The following CCND1 variants were observed in gnomAD, a reference collection of about 807,000 sequenced individuals.
CCND1 encodes G1/S-specific cyclin-D1.
Under a neutral mutation model 26.1 loss-of-function variants are expected in CCND1, and 9 were observed. The observed-to-expected ratio is 0.35, with a 90% confidence interval of 0.21 to 0.60. The LOEUF (loss-of-function observed/expected upper bound fraction) is 0.60, where lower values mean the gene tolerates loss of function less well. CCND1 is among the 20% of genes least tolerant of loss of function. The pLI is 0.79. For missense variants in CCND1, 335 were observed against 392.9 expected, an observed-to-expected ratio of 0.85 and a Z score of 1.25; for synonymous variants, 194 against 166.1, an observed-to-expected ratio of 1.17 and a Z score of -1.29.
At chr11:69,649,479 T>C (rs974520239) in intron 4 of CCND1, among the ~76,000 whole-genome samples, 9 of 152,200 alleles carry the variant, frequency 5.9e-5, no homozygotes, top group African/African-American at 1.9e-4. Context: ...GTGACCAACG[T>C]AGCTGAGCCC....
rs758315102 is a variant in CCND1, at chr11:69,653,105, G to C, written c.*1823G>C. 384 of 533,022 alleles carry C rather than the reference G, an allele frequency of 7.2e-4. 1 individual carries two copies. Among genetic ancestry groups the C allele is most frequent in the Non-Finnish European group, 1.1e-3 (340 of 302,656 alleles). The allele number at this position is 533,022 out of a possible 1,614,324, so 33.0% of individuals were successfully genotyped here. Reference sequence around the variant, plus strand: ...AATTCTTGTAATTTTTATTTAGGAAGTGTTGAAGGGAGGTGGCAAGAGTGT... The same window carrying C: ...AATTCTTGTAATTTTTATTTAGGAACTGTTGAAGGGAGGTGGCAAGAGTGT... On this transcript the variant is annotated 3_prime_UTR_variant, in exon 5 of 5. Transcript: ENST00000227507.
intron 3 of CCND1, among the ~76,000 whole-genome samples, chr11:69,647,706 C>T (rs1172199322): frequency 6.6e-6 from 1 of 152,190 alleles, no homozygotes; most frequent in Non-Finnish European, 1.5e-5. Flanking sequence ...GCAGTGATGT[C>T]CCCATCACCT....
Position 69,643,978 on chromosome 11 carries a change from C to T in CCND1, c.561C>T (p.Ala187=), listed in dbSNP as rs1855746955. ...GCAAACACGCGCAGACCTTCGTTGCCCTCTGTGCCACAGGTAGGGCAGGCC... is the reference window on the plus strand; with the variant it reads ...GCAAACACGCGCAGACCTTCGTTGCTCTCTGTGCCACAGGTAGGGCAGGCC... ...IIRKHAQTFV[A]LCATDVKFIS... Residue 187 remains alanine (A), a synonymous_variant, in exon 3 of 5, where the codon GCC becomes GCT. Coordinates refer to ENST00000227507, the MANE Select transcript of CCND1 (RefSeq NM_053056.3). The T allele has an allele frequency of 6.2e-7, 1 of 1,613,368 alleles. No homozygotes were observed. The highest frequency in any genetic ancestry group is 1.7e-5 in the Admixed American group (1 of 60,028).
At chr11:69,644,145 G>T in intron 3 of CCND1, 154 bp downstream of exon 3, 1 of 740,406 alleles carries the variant, frequency 1.4e-6, no homozygotes. Flanking sequence ...CTGGTGAGCA[G>T]AGGCCCTGGA....
At chr11:69,644,584 G>A (rs562885156) in intron 3 of CCND1, among the ~76,000 whole-genome samples, 28 of 152,330 alleles carry the variant, frequency 1.8e-4, no homozygotes, top group African/African-American at 6.7e-4. Context: ...CTGAGGGGGC[G>A]CTTCAGAGCA....
chr11:69,644,683 C>T (rs1350853127), intron 3 of CCND1, among the ~76,000 whole-genome samples: 3 of 152,214 alleles, frequency 2.0e-5, no homozygotes, highest in African/African-American at 4.8e-5. Context: ...CCTGACATGG[C>T]CTTGGCCCCA....
At chr11:69,648,361 C>T (rs1855812412) in intron 4 of CCND1, 1 of 569,202 alleles carries the variant, frequency 1.8e-6, no homozygotes. Context: ...ACAGCCTTCT[C>T]ACGTCCCCTG....
At position 69,642,958 on chromosome 11, in the gene CCND1, A is replaced by G. The variant is rs1018612893; in HGVS notation, c.199-73A>G. On this transcript the variant is annotated intron_variant, in intron 1 of 4. Coordinates refer to ENST00000227507, the MANE Select transcript of CCND1 (RefSeq NM_053056.3). ...AGACCTGGCGGCCCTGCCAAGCGCGATGGGGGGTGCGGGGGCGTGCGGGGG... is the reference window on the plus strand; with the variant it reads ...AGACCTGGCGGCCCTGCCAAGCGCGGTGGGGGGTGCGGGGGCGTGCGGGGG... 11 of 1,147,918 alleles carry G rather than the reference A, an allele frequency of 9.6e-6. No individual in the cohort carries two copies. The Admixed American group carries it at 1.5e-4, about 16-fold the overall frequency. 71.1% of individuals were successfully genotyped at this position (1,147,918 alleles called of 1,614,324 possible).
At position 69,651,401 on chromosome 11, in the gene CCND1, C is replaced by A; in HGVS notation, c.*119C>A. ...TGATACCAGAAGGGAAAGCTTCATT[C>A]TCCTTGTTGTTGGTTGTTTTTTCCT... On this transcript the variant is annotated 3_prime_UTR_variant, in exon 5 of 5. Transcript: ENST00000227507. 1 of 876,354 alleles carries A rather than the reference C, an allele frequency of 1.1e-6. No individual in the cohort carries two copies. The highest frequency in any genetic ancestry group is 1.6e-6 in the Non-Finnish European group (1 of 627,970). The allele number at this position is 876,354 out of a possible 1,614,324, so 54.3% of individuals were successfully genotyped here.
chr11:69,642,046 G>A (rs1855710716), intron 1 of CCND1, among the ~76,000 whole-genome samples: 1 of 152,116 alleles, frequency 6.6e-6, no homozygotes, highest in Admixed American at 6.5e-5. Flanking sequence ...CGGCCGCCGG[G>A]CGCTGGGGCC....
At position 69,654,116 on chromosome 11, in the gene CCND1, G is replaced by GGCCCCC; in HGVS notation, c.*2834_*2835insGCCCCC. The GGCCCCC allele has an allele frequency of 4.6e-6, 3 of 651,628 alleles. No individual in the cohort carries two copies. The highest frequency in any genetic ancestry group is 2.1e-5 in the Admixed American group (1 of 47,730). 40.4% of individuals were successfully genotyped at this position (651,628 alleles called of 1,614,324 possible). ...TGCTCGGAGGCCATCTCGGGCACAG[G>GGCCCCC]CCCACCCCGCCCCACCCCTCCAGAA... On this transcript the variant is annotated 3_prime_UTR_variant, in exon 5 of 5. Transcript: ENST00000227507. This position sits in a 1 kb window ranked among gnomAD's most constrained non-coding sequence, Gnocchi z 6.3.
At position 69,651,658 on chromosome 11, in the gene CCND1, G is replaced by A. The variant is rs1022946937; in HGVS notation, c.*376G>A. 5.2e-5 allele frequency: 13 copies of A among 247,664 alleles called. No individual in the cohort carries two copies. Among genetic ancestry groups the A allele is most frequent in the African/African-American group, 6.6e-5 (3 of 45,798 alleles). The allele number at this position is 247,664 out of a possible 1,614,324, so 15.3% of individuals were successfully genotyped here. On this transcript the variant is annotated 3_prime_UTR_variant, in exon 5 of 5. Coordinates refer to ENST00000227507, the MANE Select transcript of CCND1 (RefSeq NM_053056.3). ...GAATAGGCATTAACACAAAGGAGGC[G>A]TCTCGGGAGAGGATTAGGTTCCATC...
At chr11:69,643,588 T>C (rs1855740167) in intron 2 of CCND1, 2 of 472,854 alleles carry the variant, frequency 4.2e-6, no homozygotes, top group East Asian at 6.9e-5. Flanking sequence ...TTGTTTCCAC[T>C]TGCAGAGTCT....
At position 69,643,906 on chromosome 11, in the gene CCND1, C is replaced by T. The variant is rs377172201; in HGVS notation, c.489C>T (p.His163=). 7 of 1,613,584 alleles carry T rather than the reference C, an allele frequency of 4.3e-6. No homozygotes were observed. Among genetic ancestry groups the T allele is most frequent in the African/African-American group, 1.3e-5 (1 of 74,960 alleles). The change falls in exon 3 of 5, where the codon CAC becomes CAT. Residue 163 remains histidine, a synonymous_variant. Transcript: ENST00000227507. The part of the protein sequence containing the change: ...AAMTPHDFIE[H]FLSKMPEAEE... ...TGACCCCGCACGATTTCATTGAACA[C>T]TTCCTCTCCAAAATGCCAGAGGCGG...
intron 3 of CCND1, among the ~76,000 whole-genome samples, chr11:69,647,475 C>T (rs553695807): frequency 4.6e-5 from 7 of 151,380 alleles, no homozygotes; most frequent in South Asian, 4.2e-4. Flanking sequence ...CCTGCAGCCC[C>T]GTGGCCTGGC....
At chr11:69,642,208 G>C (rs996877935) in intron 1 of CCND1, among the ~76,000 whole-genome samples, 1 of 152,054 alleles carries the variant, frequency 6.6e-6, no homozygotes, top group African/African-American at 2.4e-5. Context: ...GGGCCGGAGA[G>C]CACGGCGAGC....
intron 2 of CCND1, 80 bp downstream of exon 2, chr11:69,643,326 GCGGCCGGCC>G (rs1565225128): frequency 8.3e-7 from 1 of 1,199,952 alleles, no homozygotes; most frequent in South Asian, 1.4e-5. Context: ...GCAGGCGGTG[GCGGCCGGCC>G]CGCCTCTGAC....
rs1590917525 is a variant in CCND1 at position 69,653,793 on chromosome 11, A to C, written c.*2511A>C. On this transcript the variant is annotated 3_prime_UTR_variant, in exon 5 of 5. Transcript: ENST00000227507. ...AATTATTATTATTATTATTATAACA[A>C]GTGTGTCTTACGTGCCACCACGGCG... 3.4e-6 allele frequency: 1 copy of C among 293,282 alleles called. No homozygotes were observed. Among genetic ancestry groups the C allele is most frequent in the Non-Finnish European group, 6.4e-6 (1 of 156,288 alleles). 18.2% of individuals were successfully genotyped at this position (293,282 alleles called of 1,614,324 possible). A position where few individuals can be genotyped will look rare whatever the true frequency, so the allele number is the denominator to read the frequency against.
rs1855855846 is a variant in CCND1 at position 69,651,525 on chromosome 11, C to T, written c.*243C>T. On this transcript the variant is annotated 3_prime_UTR_variant, in exon 5 of 5. Coordinates refer to ENST00000227507, the MANE Select transcript of CCND1 (RefSeq NM_053056.3). ...AGAGAGAAAAAAAAAATAGTATTTGCATAACCCTGAGCGGTGGGGGAGGAG... is the reference window on the plus strand; with the variant it reads ...AGAGAGAAAAAAAAAATAGTATTTGTATAACCCTGAGCGGTGGGGGAGGAG... The T allele has an allele frequency of 9.8e-6, 4 of 406,678 alleles. No homozygotes were observed. Among genetic ancestry groups the T allele is most frequent in the Non-Finnish European group, 1.3e-5 (3 of 230,404 alleles). The allele number at this position is 406,678 out of a possible 1,614,324, so 25.2% of individuals were successfully genotyped here. A position where few individuals can be genotyped will look rare whatever the true frequency, so the allele number is the denominator to read the frequency against.
Sources: gnomAD v4.1 joint callset for allele counts (sites outside exome capture counted in the v4.1 genomes callset) on GRCh38, gnomAD v4.1.1 for gene constraint, Gnocchi (gnomAD v3.1) non-coding constraint, MANE v1.5 for transcripts, NCBI Gene and HGNC (gene_info 2026-07-23, HGNC 2026-07-21) for gene names.